Variants in SLC10A7 observed in about 807,000 individuals in gnomAD.
SLC10A7 encodes solute carrier family 10 member 7, also known as sodium/bile acid cotransporter 7.
In SLC10A7, 29 loss-of-function variants were observed where a neutral mutation model predicts 43.2. The ratio of observed to expected loss-of-function variants is 0.67; its 90% confidence interval spans 0.50 to 0.92. SLC10A7 has a LOEUF of 0.92. Ranked by LOEUF, SLC10A7 falls within the 40% of genes least tolerant of loss-of-function variation. The pLI, the probability that SLC10A7 is intolerant of heterozygous loss-of-function variation, is 0.00. For synonymous variants in SLC10A7, 152 were observed against 144.8 expected, an observed-to-expected ratio of 1.05 and a Z score of -0.35; for missense variants, 295 against 403.2, an observed-to-expected ratio of 0.73 and a Z score of 2.30.
chr4:146,326,921 CACACACA>C (rs1733153476), intron 5 of SLC10A7, among the ~76,000 whole-genome samples: 1 of 9,222 alleles, frequency 1.1e-4, no homozygotes, highest in Admixed American at 2.5e-3. Flanking sequence ...GGGACAGACA[CACACACA>C]CACACACACA....
intron 4 of SLC10A7, among the ~76,000 whole-genome samples, chr4:146,443,143 T>C (rs1383431246): frequency 6.6e-6 from 1 of 152,192 alleles, no homozygotes; most frequent in Non-Finnish European, 1.5e-5. Context: ...TCCTACTAAA[T>C]TTAAAACAAT....
rs569935169 is a variant in SLC10A7 at position 146,332,397 on chromosome 4, G to A, written c.436-6401C>T. Among the ~76,000 whole-genome samples, 735 of 152,300 alleles carry A rather than the reference G, an allele frequency of 4.8e-3. 1 individual carries two copies. The highest frequency in any genetic ancestry group is 8.6e-3 in the Non-Finnish European group (582 of 68,018). On this transcript the variant is annotated intron_variant, in intron 5 of 11. Coordinates refer to ENST00000335472, the MANE Select transcript of SLC10A7 (RefSeq NM_001029998.6). ...AGTTGTAATCTCCAATGTTGGTGGT[G>A]GAGCCTAGTGGGAGGTGATTGGATC... is the stretch of plus-strand genomic sequence containing the variant.
At chr4:146,464,947 T>G (rs1732877000) in intron 4 of SLC10A7, among the ~76,000 whole-genome samples, 1 of 152,086 alleles carries the variant, frequency 6.6e-6, no homozygotes, top group East Asian at 1.9e-4. Context: ...GTTGAAGAAA[T>G]TTGTTCCAGA....
At chr4:146,370,188 G>A (rs965178580) in intron 5 of SLC10A7, among the ~76,000 whole-genome samples, 1 of 152,138 alleles carries the variant, frequency 6.6e-6, no homozygotes, top group East Asian at 1.9e-4. Context: ...GTCACAAAAT[G>A]CATGCTCCCA....
At chr4:146,355,906 G>C (rs1455072667) in intron 5 of SLC10A7, among the ~76,000 whole-genome samples, 1 of 109,928 alleles carries the variant, frequency 9.1e-6, no homozygotes, top group Non-Finnish European at 1.8e-5. Context: ...GGGGGAGGGG[G>C]GAGGGATAGC....
intron 5 of SLC10A7, among the ~76,000 whole-genome samples, chr4:146,369,566 T>C (rs1736624889): frequency 6.6e-6 from 1 of 152,178 alleles, no homozygotes; most frequent in South Asian, 2.1e-4. Context: ...TAAATGATGA[T>C]TCAGTGAACT....
rs1486335083 is a variant in SLC10A7 at position 146,467,393 on chromosome 4, T to C, written c.397-24572A>G. The stretch of plus-strand genomic sequence containing the variant: ...TTAAGCTAGCTATTACTTTTTCCTT[T>C]GAGAAAGACAACACTAAATTGCTAA... On this transcript the variant is annotated intron_variant, in intron 4 of 11. Coordinates refer to ENST00000335472, the MANE Select transcript of SLC10A7 (RefSeq NM_001029998.6). Among the ~76,000 whole-genome samples, 88 of 151,298 alleles carry C rather than the reference T, an allele frequency of 5.8e-4. 2 individuals are homozygous for C. Among genetic ancestry groups the C allele is most frequent in the Non-Finnish European group, 1.5e-5 (1 of 67,856 alleles).
intron 5 of SLC10A7, among the ~76,000 whole-genome samples, chr4:146,421,575 T>C (rs1333741916): frequency 6.6e-6 from 1 of 152,160 alleles, no homozygotes; most frequent in Non-Finnish European, 1.5e-5. Context: ...TATAATACTG[T>C]CTCACCTAAT....
rs550412285 is a variant in SLC10A7 at position 146,443,079 on chromosome 4, A to G, written c.397-258T>C. On this transcript the variant is annotated intron_variant, in intron 4 of 11. Coordinates refer to ENST00000335472, the MANE Select transcript of SLC10A7 (RefSeq NM_001029998.6). ...TTGTCATGCCTTGAACCTATATGACAGTACCAAAAGAATCATTGCCAATAC... is the reference window on the plus strand; with the variant it reads ...TTGTCATGCCTTGAACCTATATGACGGTACCAAAAGAATCATTGCCAATAC... Among the ~76,000 whole-genome samples, 6 of 152,350 alleles carry G rather than the reference A, an allele frequency of 3.9e-5. No homozygotes were observed. The South Asian group carries it at 1.2e-3, about 32-fold the overall frequency.
At chr4:146,265,191 A>T (rs1358068738) in intron 10 of SLC10A7, among the ~76,000 whole-genome samples, 1 of 152,202 alleles carries the variant, frequency 6.6e-6, no homozygotes, top group African/African-American at 2.4e-5. Context: ...TTTTCCCATT[A>T]AAAGATGAGG....
intron 4 of SLC10A7, among the ~76,000 whole-genome samples, chr4:146,456,379 C>A (rs1415773082): frequency 6.6e-6 from 1 of 151,850 alleles, no homozygotes; most frequent in East Asian, 1.9e-4. Flanking sequence ...TGTTAACCAC[C>A]TAGAATTAGT....
At chr4:146,276,276 GGAGT>G (rs1332170355) in intron 10 of SLC10A7, among the ~76,000 whole-genome samples, 1 of 152,148 alleles carries the variant, frequency 6.6e-6, no homozygotes, top group African/African-American at 2.4e-5. Context: ...AGCTGCCTCT[GGAGT>G]GAGTATTTCC....
intron 6 of SLC10A7, among the ~76,000 whole-genome samples, chr4:146,322,779 C>A (rs1412127778): frequency 6.6e-6 from 1 of 151,998 alleles, no homozygotes; most frequent in African/African-American, 2.4e-5. Context: ...TAGTTCTAGA[C>A]CCTTGAGGAA....
At chr4:146,311,456 C>T (rs1731971874) in intron 6 of SLC10A7, among the ~76,000 whole-genome samples, 1 of 152,134 alleles carries the variant, frequency 6.6e-6, no homozygotes, top group African/African-American at 2.4e-5. Flanking sequence ...GGCCTTTTAT[C>T]TCCTATCAGG....
intron 6 of SLC10A7, among the ~76,000 whole-genome samples, chr4:146,325,593 G>C (rs941155130): frequency 6.6e-6 from 1 of 152,214 alleles, no homozygotes; most frequent in Non-Finnish European, 1.5e-5. Context: ...TCTGATCCCT[G>C]GTCCTAGGGC....
chr4:146,365,062 G>A (rs1736301581), intron 5 of SLC10A7, among the ~76,000 whole-genome samples: 1 of 152,042 alleles, frequency 6.6e-6, no homozygotes, highest in Admixed American at 6.5e-5. Flanking sequence ...TTTAAATCAT[G>A]AGGTCCATGA....
chr4:146,356,986 G>T (rs1031442644), intron 5 of SLC10A7, among the ~76,000 whole-genome samples: 1 of 152,072 alleles, frequency 6.6e-6, no homozygotes, highest in Non-Finnish European at 1.5e-5. Flanking sequence ...TCTTTATAAT[G>T]AATCCTATAG....
chr4:146,512,259 C>G (rs1737553113), intron 2 of SLC10A7, among the ~76,000 whole-genome samples: 1 of 152,108 alleles, frequency 6.6e-6, no homozygotes, highest in Non-Finnish European at 1.5e-5. Context: ...CAGGCATGAG[C>G]CCCCGTGCCC....
At position 146,353,329 on chromosome 4, in the gene SLC10A7, T is replaced by C. The variant is rs1735287543; in HGVS notation, c.436-27333A>G. Among the ~76,000 whole-genome samples the C allele has an allele frequency of 3.7e-5, 4 of 107,004 alleles. No homozygotes were observed. The Admixed American group carries it at 4.1e-4, about 11-fold the overall frequency. 70.2% of individuals were successfully genotyped at this position (107,004 alleles called of 152,430 possible). A position where few individuals can be genotyped will look rare whatever the true frequency, so the allele number is the denominator to read the frequency against. On this transcript the variant is annotated intron_variant, in intron 5 of 11. Transcript: ENST00000335472. Reference sequence around the variant, plus strand: ...CTCGACACATACACTCTCCCAAGACTAAACCAGGAAGAAGTTGAATCTCTG... The same window carrying C: ...CTCGACACATACACTCTCCCAAGACCAAACCAGGAAGAAGTTGAATCTCTG...
Sources: allele counts gnomAD v4.1 joint callset (sites outside exome capture counted in the v4.1 genomes callset), GRCh38; gene constraint gnomAD v4.1.1; transcripts MANE v1.5; gene names NCBI Gene and HGNC (gene_info 2026-07-23, HGNC 2026-07-21).